CADM1: variants seen among roughly 807,000 people sequenced by gnomAD.
CADM1 encodes cell adhesion molecule 1, also known as TSLC-1.
In CADM1, 15 loss-of-function variants were observed where a neutral mutation model predicts 53.1. The ratio of observed to expected loss-of-function variants is 0.28; its 90% CI spans 0.19 to 0.44. CADM1 has a LOEUF of 0.44. Among genes scored for constraint, CADM1 ranks in the 20% least tolerant of loss-of-function variants. The probability of loss-of-function intolerance (pLI) is 1.00; values close to 1 mark genes in which losing one functional copy is unlikely to be tolerated. For synonymous variants in CADM1, 281 were observed against 243.0 expected (o/e 1.16, Z -1.45); for missense variants, 434 against 611.3 (o/e 0.71, Z 3.06).
intron 8 of CADM1, among the ~76,000 whole-genome samples, chr11:115,209,239 AC>A (rs1185233171): frequency 6.6e-6 from 1 of 152,252 alleles, no homozygotes; most frequent in African/African-American, 2.4e-5. Flanking sequence ...CACAGTACTT[AC>A]CATTTCATCA....
In CADM1 at chr11:115,328,682, A is replaced by G. The variant is rs1376772052; in HGVS notation, c.125-88262T>C. On this transcript the variant is annotated intron_variant, in intron 1 of 11. Transcript: ENST00000331581. The stretch of plus-strand genomic sequence containing the variant: ...ACACGCACACTATATATATATGTGT[A>G]TATATATGTGTATATATATGTATAT... 4.9e-4 allele frequency among the ~76,000 whole-genome samples: 24 copies of G among 49,484 alleles called. 2 individuals are homozygous for G. The highest frequency in any genetic ancestry group is 4.3e-3 in the Admixed American group (14 of 3,282). The allele number at this position is 49,484 out of a possible 152,430, so 32.5% of individuals were successfully genotyped here.
At chr11:115,338,893 T>A (rs200841685) in intron 1 of CADM1, among the ~76,000 whole-genome samples, 1,364 of 54,434 alleles carry the variant, frequency 0.025, 7 homozygotes, top group East Asian at 0.04. Context: ...TTTTTTTTAA[T>A]TTTTTTTTTT....
intron 8 of CADM1, among the ~76,000 whole-genome samples, chr11:115,208,553 T>C (rs1940805125): frequency 6.6e-6 from 1 of 152,038 alleles, no homozygotes; most frequent in Non-Finnish European, 1.5e-5. Context: ...GAGACAGGGG[T>C]GGGTACCAGG....
intron 1 of CADM1, among the ~76,000 whole-genome samples, chr11:115,382,215 A>T (rs1362799405): frequency 1.3e-5 from 2 of 152,240 alleles, no homozygotes; most frequent in Non-Finnish European, 2.9e-5. Context: ...CTGTAATTTC[A>T]TGGCTAATAC....
intron 1 of CADM1, among the ~76,000 whole-genome samples, chr11:115,341,979 AC>A (rs1430116224): frequency 2.0e-5 from 3 of 152,220 alleles, no homozygotes; most frequent in Non-Finnish European, 4.4e-5. Flanking sequence ...TTGCTTATCA[AC>A]ATAAATGCTT....
At chr11:115,223,058 T>G (rs1431993916) in intron 5 of CADM1, among the ~76,000 whole-genome samples, 1 of 152,174 alleles carries the variant, frequency 6.6e-6, no homozygotes, top group African/African-American at 2.4e-5. Context: ...AGTTGCTGGA[T>G]GAATGAATGA....
chr11:115,246,788 T>C (rs1591639651), intron 1 of CADM1, among the ~76,000 whole-genome samples: 1 of 152,240 alleles, frequency 6.6e-6, no homozygotes, highest in Non-Finnish European at 1.5e-5. Context: ...GGCATGGAGA[T>C]GGTCAGGATC....
rs551294149 is a variant in CADM1 at position 115,231,447 on chromosome 11, C to T, written c.468G>A (p.Ala156=). The change falls in exon 4 of 12, where the codon GCG becomes GCA. Residue 156 remains alanine, a synonymous_variant. Coordinates refer to ENST00000331581, the MANE Select transcript of CADM1 (RefSeq NM_001301043.2). ...NLMIDIQKDT[A]VEGEEIEVNC... The stretch of plus-strand genomic sequence containing the variant: ...TGACTTCAATCTCCTCACCTTCCAC[C>T]GCAGTGTCTTTCTGGATATCGATCA... 46 of 1,613,918 alleles carry T rather than the reference C, an allele frequency of 2.9e-5. No individual in the cohort carries two copies. In the East Asian group the frequency reaches 3.8e-4, roughly 13 times the overall value.
intron 8 of CADM1, chr11:115,207,391 T>C (rs1239691949): frequency 6.6e-6 from 1 of 152,156 alleles, no homozygotes; most frequent in Non-Finnish European, 1.5e-5. Context: ...TAGAGCATTG[T>C]TTATTTTTTA....
intron 1 of CADM1, among the ~76,000 whole-genome samples, chr11:115,254,039 A>G (rs1942693959): frequency 3.9e-5 from 6 of 152,156 alleles, no homozygotes; most frequent in Admixed American, 3.9e-4. Context: ...TGAGGTGCAA[A>G]TGAGATAATC....
chr11:115,208,645 T>A (rs1013192200), intron 8 of CADM1, among the ~76,000 whole-genome samples: 1 of 152,198 alleles, frequency 6.6e-6, no homozygotes, highest in Non-Finnish European at 1.5e-5. Flanking sequence ...TATTTTTTTC[T>A]CACAGAATAA....
At chr11:115,271,893 C>G (rs4405354) in intron 1 of CADM1, among the ~76,000 whole-genome samples, 69,660 of 152,008 alleles carry the variant, frequency 0.46, 19,576 homozygotes, top group Non-Finnish European at 0.63. Context: ...TAATTAGTCT[C>G]AATAGATTTT....
Position 115,191,559 on chromosome 11 carries a change from G to C in CADM1, c.1112-618C>G, listed in dbSNP as rs769739160. Among the ~76,000 whole-genome samples, 4 of 152,178 alleles carry C rather than the reference G, an allele frequency of 2.6e-5. No homozygotes were observed. The South Asian group carries it at 8.3e-4, about 32-fold the overall frequency. ...ACCCTCAAAGCTGAAAAAGCAGTTA[G>C]GTCAGGAGGTAATCAAATCGGGGCT... On this transcript the variant is annotated intron_variant, in intron 9 of 11. Transcript: ENST00000331581.
chr11:115,418,075 C>T (rs1353260847), intron 1 of CADM1, among the ~76,000 whole-genome samples: 3 of 152,126 alleles, frequency 2.0e-5, no homozygotes, highest in Non-Finnish European at 4.4e-5. Context: ...AAAAATTTTG[C>T]TCTCCTTCCT....
intron 1 of CADM1, among the ~76,000 whole-genome samples, chr11:115,306,101 CACAT>C (rs1256134372): frequency 6.6e-6 from 1 of 151,392 alleles, no homozygotes; most frequent in African/African-American, 2.4e-5. Flanking sequence ...CACACACACA[CACAT>C]ACCGTCATGT....
At chr11:115,491,700 C>A (rs181709551) in intron 1 of CADM1, among the ~76,000 whole-genome samples, 41 of 152,266 alleles carry the variant, frequency 2.7e-4, no homozygotes, top group African/African-American at 9.6e-4. Context: ...TTGGAACCAA[C>A]CCAAATGTCT....
intron 1 of CADM1, among the ~76,000 whole-genome samples, chr11:115,316,450 T>A (rs1042655455): frequency 1.3e-5 from 2 of 152,142 alleles, no homozygotes; most frequent in African/African-American, 4.8e-5. Flanking sequence ...AGGCAGAGGT[T>A]TGGGCTACAG....
At chr11:115,295,535 T>TA (rs1944044709) in intron 1 of CADM1, among the ~76,000 whole-genome samples, 1 of 104,058 alleles carries the variant, frequency 9.6e-6, no homozygotes, top group Admixed American at 1.0e-4. Flanking sequence ...TATATATATA[T>TA]ATATATATAT....
intron 1 of CADM1, among the ~76,000 whole-genome samples, chr11:115,343,430 A>C (rs1945499060): frequency 6.6e-6 from 1 of 152,170 alleles, no homozygotes; most frequent in Non-Finnish European, 1.5e-5. Flanking sequence ...TAAGAAGTTT[A>C]TCAAAGATCT....
Sources: gnomAD v4.1 joint callset for allele counts (sites outside exome capture counted in the v4.1 genomes callset) on GRCh38, gnomAD v4.1.1 for gene constraint, MANE v1.5 for transcripts, NCBI Gene and HGNC (gene_info 2026-07-23, HGNC 2026-07-21) for gene names.